TTC39B: variants seen among roughly 807,000 people sequenced by gnomAD.
The protein encoded by TTC39B is tetratricopeptide repeat domain 39B.
TTC39B carries 92 observed loss-of-function variants against 96.6 expected under a neutral mutation model. The observed-to-expected ratio is 0.95, with a 90% confidence interval of 0.80 to 1.13. The LOEUF (loss-of-function observed/expected upper bound fraction) is 1.13, where lower values mean the gene tolerates loss of function less well. Ranked by LOEUF, TTC39B falls within the 50% of genes most tolerant of loss-of-function variation. The pLI is 0.00. For missense variants in TTC39B, 955 were observed against 809.3 expected, an observed-to-expected ratio of 1.18 and a Z score of -2.18; for synonymous variants, 367 against 299.4, an observed-to-expected ratio of 1.23 and a Z score of -2.33.
At chr9:15,248,849 T>C (rs1322641989) in intron 2 of TTC39B, among the ~76,000 whole-genome samples, 1 of 152,216 alleles carries the variant, frequency 6.6e-6, no homozygotes, top group Non-Finnish European at 1.5e-5. Context: ...ACCAAAATAC[T>C]GGCACCCAAA....
At chr9:15,243,885 C>T (rs536100909) in intron 2 of TTC39B, among the ~76,000 whole-genome samples, 1 of 152,252 alleles carries the variant, frequency 6.6e-6, no homozygotes, top group African/African-American at 2.4e-5. Flanking sequence ...GTCGCCCAGG[C>T]TGGAGTCTCT....
intron 1 of TTC39B, among the ~76,000 whole-genome samples, chr9:15,293,501 CA>C (rs1437162487): frequency 6.6e-6 from 1 of 152,130 alleles, no homozygotes; most frequent in African/African-American, 2.4e-5. Context: ...AAAGAAACCA[CA>C]AGCACATCAG....
At chr9:15,190,406 C>T (rs972224251) in intron 11 of TTC39B, 148 bp downstream of exon 11, 16 of 609,812 alleles carry the variant, frequency 2.6e-5, no homozygotes, top group African/African-American at 1.3e-4. Flanking sequence ...AGTGCAGTGA[C>T]GTGATCATAG....
chr9:15,199,763 A>AAAAAAC (rs1564337943), intron 8 of TTC39B, 98 bp downstream of exon 8: 1 of 402,336 alleles, frequency 2.5e-6, no homozygotes, highest in African/African-American at 2.3e-5. Context: ...AAAAAAAAAA[A>AAAAAAC]AAAAATCCTA....
At chr9:15,165,418 A>C (rs1023290681) in exon 20 of TTC39B, 6 of 152,222 alleles carry the variant, frequency 3.9e-5, no homozygotes, top group Admixed American at 1.3e-4. Flanking sequence ...GTTTGTCTAC[A>C]TTAAAAATAG....
At chr9:15,282,516 A>T (rs1365916923) in intron 1 of TTC39B, among the ~76,000 whole-genome samples, 3 of 152,218 alleles carry the variant, frequency 2.0e-5, no homozygotes, top group Non-Finnish European at 2.9e-5. Flanking sequence ...AAGTTATACC[A>T]TGAGAAAGGT....
intron 6 of TTC39B, among the ~76,000 whole-genome samples, chr9:15,205,083 G>A (rs971182406): frequency 2.6e-5 from 4 of 152,266 alleles, no homozygotes; most frequent in Non-Finnish European, 5.9e-5. Flanking sequence ...ATGGGACCTC[G>A]TCCCCTCTCT....
chr9:15,292,826 A>C (rs374786535), intron 1 of TTC39B, among the ~76,000 whole-genome samples: 1 of 152,362 alleles, frequency 6.6e-6, no homozygotes, highest in East Asian at 1.9e-4. Flanking sequence ...TTTTAAGCTA[A>C]GTGTTATTGT....
chr9:15,215,987 C>T (rs1485834824), intron 3 of TTC39B, among the ~76,000 whole-genome samples: 1 of 152,202 alleles, frequency 6.6e-6, no homozygotes, highest in African/African-American at 2.4e-5. Flanking sequence ...AAGCAAAGTG[C>T]CCCTTCAGTG....
chr9:15,196,689 A>G (rs546912126), intron 8 of TTC39B, among the ~76,000 whole-genome samples: 1 of 152,346 alleles, frequency 6.6e-6, no homozygotes, highest in African/African-American at 2.4e-5. Context: ...TGCCACAAAC[A>G]TTGTTGAAAT....
At chr9:15,275,926 A>G (rs1180884897) in intron 1 of TTC39B, among the ~76,000 whole-genome samples, 1 of 152,144 alleles carries the variant, frequency 6.6e-6, no homozygotes, top group Non-Finnish European at 1.5e-5. Context: ...TTTTGAAAAA[A>G]TTTAAAAAGA....
chr9:15,210,149 G>T lies in TTC39B; in HGVS notation c.630C>A (p.Tyr210Ter). The T allele has an allele frequency of 6.2e-7, 1 of 1,600,734 alleles. No homozygotes were observed. The highest frequency in any genetic ancestry group is 8.5e-7 in the Non-Finnish European group (1 of 1,174,360). ...GACTTGAGAAAGATTCTACAACTGTGTATTTTTTCCTGTATCTACATTGAA... is the reference window on the plus strand; with the variant it reads ...GACTTGAGAAAGATTCTACAACTGTTTATTTTTTCCTGTATCTACATTGAA... Residue 210 changes from tyrosine (Y) to a stop codon, truncating the protein, a stop_gained, in exon 6 of 20, where the codon TAC (tyrosine) becomes TAA (stop). Coordinates refer to ENST00000512701, the Ensembl canonical transcript of TTC39B. LOFTEE classifies it high-confidence loss of function.
intron 1 of TTC39B, among the ~76,000 whole-genome samples, chr9:15,296,377 G>C (rs1824375752): frequency 6.6e-6 from 1 of 152,180 alleles, no homozygotes; most frequent in Admixed American, 6.5e-5. Context: ...TTGGGAAAGG[G>C]AAAGTGAAAC....
chr9:15,227,365 T>C lies in TTC39B; in HGVS notation c.276-1353A>G, dbSNP rs1821181557. On this transcript the variant is annotated intron_variant, in intron 2 of 19. Coordinates refer to ENST00000512701, the Ensembl canonical transcript of TTC39B. Reference sequence around the variant, plus strand: ...TAAGTGGAGTTTTGTTTTTTGTTTTTTTCCCCCATTGGAAGTTCAGACTTC... The same window carrying C: ...TAAGTGGAGTTTTGTTTTTTGTTTTCTTCCCCCATTGGAAGTTCAGACTTC... 5.3e-5 allele frequency among the ~76,000 whole-genome samples: 8 copies of C among 152,294 alleles called. No homozygotes were observed. The South Asian group carries it at 1.7e-3, about 32-fold the overall frequency.
At chr9:15,240,584 G>A (rs1305975111) in intron 2 of TTC39B, among the ~76,000 whole-genome samples, 1 of 151,912 alleles carries the variant, frequency 6.6e-6, no homozygotes, top group Admixed American at 6.6e-5. Flanking sequence ...AGTAATTTAA[G>A]TCTATATTCA....
chr9:15,240,779 C>T (rs1822002445), intron 2 of TTC39B, among the ~76,000 whole-genome samples: 1 of 152,078 alleles, frequency 6.6e-6, no homozygotes, highest in Admixed American at 6.6e-5. Context: ...TATTTTAGAC[C>T]TTTTAGAAGT....
Position 15,240,551 on chromosome 9 carries a change from A to G in TTC39B, c.276-14539T>C, listed in dbSNP as rs551735993. 5.3e-5 allele frequency among the ~76,000 whole-genome samples: 8 copies of G among 152,292 alleles called. No individual in the cohort carries two copies. The South Asian group carries it at 1.2e-3, about 24-fold the overall frequency. The stretch of plus-strand genomic sequence containing the variant: ...ATAATGTACCATTTTAACAATAATG[A>G]AAAAAGTTAAGCATATATTTTGAGT... On this transcript the variant is annotated intron_variant, in intron 2 of 19. Transcript: ENST00000512701.
Position 15,250,096 on chromosome 9 carries a change from A to C in TTC39B, c.275+17818T>G, listed in dbSNP as rs1010328007. ...TCCTTGGTCTCCAGTGAGACTCTCA[A>C]TTCTCAGGCACAAGCAAAGTAGTTG... is the stretch of plus-strand genomic sequence containing the variant. On this transcript the variant is annotated intron_variant, in intron 2 of 19. Transcript: ENST00000512701. 2.4e-6 allele frequency: 3 copies of C among 1,269,602 alleles called. No homozygotes were observed. The African/African-American group carries it at 4.6e-5, about 20-fold the overall frequency. The allele number at this position is 1,269,602 out of a possible 1,614,324, so 78.6% of individuals were successfully genotyped here.
chr9:15,177,570 T>C, intron 18 of TTC39B, 127 bp downstream of exon 18: 1 of 637,032 alleles, frequency 1.6e-6, no homozygotes, highest in East Asian at 2.7e-5. Flanking sequence ...CACTACTGGA[T>C]TTTCTTTCTG....
Sources: gnomAD v4.1 joint callset for allele counts (sites outside exome capture counted in the v4.1 genomes callset) on GRCh38, gnomAD v4.1.1 for gene constraint, MANE v1.5 for transcripts, NCBI Gene and HGNC (gene_info 2026-07-23, HGNC 2026-07-21) for gene names.